SH3RF3: variants seen among roughly 807,000 people sequenced by gnomAD.
SH3RF3 encodes the protein E3 ubiquitin-protein ligase SH3RF3.
SH3RF3 carries 29 observed loss-of-function variants against 66.3 expected under a neutral mutation model. The ratio of observed to expected loss-of-function variants is 0.44; its 90% CI spans 0.33 to 0.60. The LOEUF (loss-of-function observed/expected upper bound fraction) is 0.60, where lower values mean the gene tolerates loss of function less well. SH3RF3 is among the 20% of genes least tolerant of loss of function. The pLI is 0.04. For synonymous variants in SH3RF3, 583 were observed against 532.0 expected, an observed-to-expected ratio of 1.10 and a Z score of -1.32; for missense variants, 1,194 against 1,190.9, an observed-to-expected ratio of 1.00 and a Z score of -0.04.
intron 1 of SH3RF3, among the ~76,000 whole-genome samples, chr2:109,195,636 A>T (rs1678480241): frequency 6.6e-6 from 1 of 152,218 alleles, no homozygotes; most frequent in South Asian, 2.1e-4. Flanking sequence ...CTTTCCCCGC[A>T]GGCAGCCTCT....
At chr2:109,206,049 A>T (rs1678801536) in intron 1 of SH3RF3, among the ~76,000 whole-genome samples, 1 of 152,156 alleles carries the variant, frequency 6.6e-6, no homozygotes, top group South Asian at 2.1e-4. Context: ...GTACCCTGAG[A>T]TGCCTTTCCA....
intron 1 of SH3RF3, among the ~76,000 whole-genome samples, chr2:109,216,786 A>G (rs1679110270): frequency 1.3e-5 from 2 of 152,244 alleles, no homozygotes; most frequent in South Asian, 2.1e-4. Context: ...GTGGCAAAAT[A>G]TACATAACAT....
chr2:109,474,859 A>G (rs1232083438), intron 8 of SH3RF3, among the ~76,000 whole-genome samples: 2 of 152,240 alleles, frequency 1.3e-5, no homozygotes, highest in African/African-American at 4.8e-5. Flanking sequence ...ACTCACTCAT[A>G]GTCCAGCAAC....
At chr2:109,192,239 G>A (rs1678385807) in intron 1 of SH3RF3, among the ~76,000 whole-genome samples, 1 of 152,168 alleles carries the variant, frequency 6.6e-6, no homozygotes, top group African/African-American at 2.4e-5. Context: ...TCTAAGCAGG[G>A]AACCTGTCCC....
intron 1 of SH3RF3, among the ~76,000 whole-genome samples, chr2:109,290,856 T>C (rs534627824): frequency 1.3e-5 from 2 of 152,386 alleles, no homozygotes; most frequent in Non-Finnish European, 2.9e-5. Flanking sequence ...ATTTAAGGCT[T>C]AAATATTATT....
At chr2:109,387,624 GC>G (rs1675859996) in intron 3 of SH3RF3, among the ~76,000 whole-genome samples, 1 of 152,118 alleles carries the variant, frequency 6.6e-6, no homozygotes, top group East Asian at 1.9e-4. Context: ...GCCCATCTGG[GC>G]CCCCTATTTA....
rs759073381 is a variant in SH3RF3 at position 109,502,535 on chromosome 2, C to G, written c.*864C>G. Reference sequence around the variant, plus strand: ...GGAGAGCGCCGAGAAGCCGCCATCCCGCACCTCAGCGCTGGCCAGTACTCT... The same window carrying G: ...GGAGAGCGCCGAGAAGCCGCCATCCGGCACCTCAGCGCTGGCCAGTACTCT... On this transcript the variant is annotated 3_prime_UTR_variant, in exon 10 of 10. Coordinates refer to ENST00000309415, the MANE Select transcript of SH3RF3 (RefSeq NM_001099289.3). The G allele has an allele frequency of 6.6e-6, 1 of 152,120 alleles. No individual in the cohort carries two copies. Among genetic ancestry groups the G allele is most frequent in the African/African-American group, 2.4e-5 (1 of 41,414 alleles). The allele number at this position is 152,120 out of a possible 1,614,324, so 9.4% of individuals were successfully genotyped here.
At position 109,338,379 on chromosome 2, in the gene SH3RF3, G is replaced by A. The variant is rs73955546; in HGVS notation, c.574-9295G>A. 1.9e-4 allele frequency among the ~76,000 whole-genome samples: 29 copies of A among 151,978 alleles called. No homozygotes were observed. The East Asian group carries it at 5.2e-3, about 27-fold the overall frequency. On this transcript the variant is annotated intron_variant, in intron 1 of 9. Coordinates refer to ENST00000309415, the MANE Select transcript of SH3RF3 (RefSeq NM_001099289.3). ...AAACTCCTTGAGCGCTGGGGACCCA[G>A]TTCTAACACAGGCCTCCTTCCTTTT...
At chr2:109,130,189 G>A (rs966546063) in intron 1 of SH3RF3, 76 bp downstream of exon 1, 17 of 1,222,404 alleles carry the variant, frequency 1.4e-5, no homozygotes, top group Non-Finnish European at 1.7e-5. Flanking sequence ...GGGGGGCAGT[G>A]ATGAGGTGCG....
In SH3RF3 at chr2:109,129,822, C is replaced by T; in HGVS notation, c.282C>T (p.Cys94=). The T allele has an allele frequency of 1.3e-6, 2 of 1,537,370 alleles. No homozygotes were observed. The highest frequency in any genetic ancestry group is 1.7e-6 in the Non-Finnish European group (2 of 1,145,336). The change falls in exon 1 of 10, where the codon TGC becomes TGT. Residue 94 remains cysteine, a synonymous_variant. Coordinates refer to ENST00000309415, the MANE Select transcript of SH3RF3 (RefSeq NM_001099289.3). ...SIVCSRHELR[C]PECRILVGCG... ...TGTGCTCGCGCCACGAGCTGCGCTGCCCCGAGTGCCGCATCCTGGTGGGCT... is the reference window on the plus strand; with the variant it reads ...TGTGCTCGCGCCACGAGCTGCGCTGTCCCGAGTGCCGCATCCTGGTGGGCT...
intron 1 of SH3RF3, among the ~76,000 whole-genome samples, chr2:109,238,805 C>A (rs886421476): frequency 3.3e-5 from 5 of 152,096 alleles, no homozygotes; most frequent in African/African-American, 1.2e-4. Context: ...TGATGAAACC[C>A]GGCGAGGTGT....
At chr2:109,198,433 G>GGGTACCCT (rs769762978) in intron 1 of SH3RF3, among the ~76,000 whole-genome samples, 4 of 152,190 alleles carry the variant, frequency 2.6e-5, no homozygotes, top group Non-Finnish European at 5.9e-5. Flanking sequence ...GCTACCTCTT[G>GGGTACCCT]GGTACCCTGC....
At chr2:109,273,544 A>G (rs188204562) in intron 1 of SH3RF3, among the ~76,000 whole-genome samples, 2 of 152,326 alleles carry the variant, frequency 1.3e-5, no homozygotes, top group East Asian at 3.9e-4. Context: ...GCACGTGTTT[A>G]GTGAATGCAT....
intron 8 of SH3RF3, among the ~76,000 whole-genome samples, chr2:109,459,265 TAGG>T (rs1356863293): frequency 6.6e-6 from 1 of 152,060 alleles, no homozygotes; most frequent in Non-Finnish European, 1.5e-5. Context: ...CTTAACAAAA[TAGG>T]AGGAAATACT....
intron 1 of SH3RF3, among the ~76,000 whole-genome samples, chr2:109,306,164 G>A (rs1681592488): frequency 3.3e-5 from 5 of 152,232 alleles, no homozygotes; most frequent in African/African-American, 9.6e-5. Flanking sequence ...GTCGCTTATA[G>A]AGAAAATCCA....
chr2:109,293,863 C>T (rs770758638), intron 1 of SH3RF3, among the ~76,000 whole-genome samples: 14 of 152,216 alleles, frequency 9.2e-5, no homozygotes, highest in Non-Finnish European at 1.6e-4. Flanking sequence ...TCCTCTACCT[C>T]ACATTTCCCT....
chr2:109,449,036 C>T, intron 7 of SH3RF3, 134 bp from the exon 8 acceptor site: 1 of 1,052,006 alleles, frequency 9.5e-7, no homozygotes, highest in Non-Finnish European at 1.4e-6. Flanking sequence ...GAGGCCAGGT[C>T]TGTCTGGAGA....
intron 8 of SH3RF3, among the ~76,000 whole-genome samples, chr2:109,454,463 C>T (rs774472217): frequency 2.0e-5 from 3 of 152,188 alleles, no homozygotes; most frequent in Non-Finnish European, 4.4e-5. Flanking sequence ...CTTGCCTCCT[C>T]GGGGTTCTGA....
intron 3 of SH3RF3, among the ~76,000 whole-genome samples, chr2:109,387,244 T>C (rs1009526424): frequency 2.0e-5 from 3 of 152,252 alleles, no homozygotes; most frequent in African/African-American, 7.2e-5. Context: ...TCTCATAACA[T>C]GATTGCAGTA....
Sources: gnomAD v4.1 joint callset for allele counts (sites outside exome capture counted in the v4.1 genomes callset) on GRCh38, gnomAD v4.1.1 for gene constraint, MANE v1.5 for transcripts, NCBI Gene and HGNC (gene_info 2026-07-23, HGNC 2026-07-21) for gene names.